Variants in HEMGN observed in about 807,000 individuals in gnomAD.
The protein encoded by HEMGN is hemogen, also known as erythroid differentiation-associated gene protein.
HEMGN carries 32 observed loss-of-function variants against 45.7 expected under a neutral mutation model. The ratio of observed to expected loss-of-function variants is 0.70; its 90% CI spans 0.53 to 0.94. HEMGN has a LOEUF of 0.94. HEMGN is among the 40% of genes least tolerant of loss of function. The probability of loss-of-function intolerance (pLI) is 0.00; values close to 1 mark genes in which losing one functional copy is unlikely to be tolerated. For synonymous variants in HEMGN, 183 were observed against 178.6 expected (o/e 1.02, Z -0.20); for missense variants, 530 against 564.2 (o/e 0.94, Z 0.61).
Position 97,930,409 on chromosome 9 carries a change from CAT to C in HEMGN, c.984_985del (p.Cys329Ter), listed in dbSNP as rs1826922913. ...GGCTTTAGGCACAATAATTTCGTTACATGTTTTATGAGGAAGGTATTTAGGTT... is the reference window on the plus strand; with the variant it reads ...GGCTTTAGGCACAATAATTTCGTTACGTTTTATGAGGAAGGTATTTAGGTT... On this transcript the variant is annotated frameshift_variant, in exon 3 of 4. Coordinates refer to ENST00000616898, the MANE Select transcript of HEMGN (RefSeq NM_197978.3). LOFTEE classifies it high-confidence loss of function. 3 of 1,613,862 alleles carry C rather than the reference CAT, an allele frequency of 1.9e-6. No homozygotes were observed. The highest frequency in any genetic ancestry group is 2.5e-6 in the Non-Finnish European group (3 of 1,179,990).
intron 2 of HEMGN, among the ~76,000 whole-genome samples, chr9:97,932,674 C>A (rs1048296191): frequency 6.6e-6 from 1 of 151,756 alleles, no homozygotes; most frequent in Non-Finnish European, 1.5e-5. Flanking sequence ...CATGGTGGTG[C>A]GCGTCTGTAA....
In HEMGN at chr9:97,930,019, T is replaced by C. The variant is rs1459111590; in HGVS notation, c.1360+16A>G. The C allele has an allele frequency of 1.9e-6, 3 of 1,593,998 alleles. No homozygotes were observed. In the African/African-American group the frequency reaches 4.0e-5, roughly 21 times the overall value. ...GGGGGAGATGTACCTACCTTGGTGC[T>C]ATAAACAGCCCTTACCTTGAGGAAA... is the stretch of plus-strand genomic sequence containing the variant. On this transcript the variant is annotated intron_variant, in intron 3 of 3. Transcript: ENST00000616898.
chr9:97,938,165 G>A lies in HEMGN; in HGVS notation c.-29C>T. ...GCTGCAATACCTTCCTGCTATTTTG[G>A]TCTGACTTCCACAAGCAGCCTAGAT... On this transcript the variant is annotated 5_prime_UTR_variant, in exon 1 of 4. Transcript: ENST00000616898. 1 of 1,506,786 alleles carries A rather than the reference G, an allele frequency of 6.6e-7. No homozygotes were observed. The highest frequency in any genetic ancestry group is 1.4e-5 in the African/African-American group (1 of 72,118). 93.3% of individuals were successfully genotyped at this position (1,506,786 alleles called of 1,614,324 possible).
chr9:97,929,154 G>A (rs1331485457), intron 3 of HEMGN, among the ~76,000 whole-genome samples: 2 of 152,204 alleles, frequency 1.3e-5, no homozygotes, highest in South Asian at 4.1e-4. Context: ...GAATCAGGAC[G>A]CTGTGTTGGT....
At chr9:97,939,451 G>A (rs1390331854), upstream of HEMGN, among the ~76,000 whole-genome samples, 1 of 152,188 alleles carries the variant, frequency 6.6e-6, no homozygotes, top group Non-Finnish European at 1.5e-5. Context: ...CCTTTGTAAT[G>A]TGAATAGATA....
upstream of HEMGN, among the ~76,000 whole-genome samples, chr9:97,939,740 C>T (rs1004981958): frequency 6.6e-6 from 1 of 152,150 alleles, no homozygotes. Flanking sequence ...AATGATATAA[C>T]AAACACCCAA....
At chr9:97,940,859 T>G (rs951867376), upstream of HEMGN, among the ~76,000 whole-genome samples, 1 of 152,172 alleles carries the variant, frequency 6.6e-6, no homozygotes, top group Non-Finnish European at 1.5e-5. Flanking sequence ...TTCATGAACA[T>G]GCAGCCTGGG....
chr9:97,927,524 G>T (rs754278930), intron 3 of HEMGN, 46 bp from the exon 4 acceptor site: 2 of 1,263,090 alleles, frequency 1.6e-6, no homozygotes, highest in South Asian at 1.2e-5. Context: ...AAATTGTATT[G>T]GGACAATTGA....
chr9:97,931,095 T>A lies in HEMGN; in HGVS notation c.300A>T (p.Ala100=). ...CAGTTTTTTTCTCTATAGGTGCCAGTGCTTTCTCCACTATTTCCTTTTCTA... is the reference window on the plus strand; with the variant it reads ...CAGTTTTTTTCTCTATAGGTGCCAGAGCTTTCTCCACTATTTCCTTTTCTA... ...PQIEKEIVEK[A]LAPIEKKTEP... is the part of the protein sequence containing the mutation. The change falls in exon 3 of 4, where the codon GCA becomes GCT. Residue 100 remains alanine, a synonymous_variant. Coordinates refer to ENST00000616898, the MANE Select transcript of HEMGN (RefSeq NM_197978.3). 6.2e-7 allele frequency: 1 copy of A among 1,614,132 alleles called. No individual in the cohort carries two copies. Among genetic ancestry groups the A allele is most frequent in the Non-Finnish European group, 8.5e-7 (1 of 1,180,022 alleles).
intron 1 of HEMGN, among the ~76,000 whole-genome samples, chr9:97,943,930 T>C (rs1228098540): frequency 6.6e-6 from 1 of 152,126 alleles, no homozygotes; most frequent in Admixed American, 6.6e-5. Context: ...TCCATGAAAT[T>C]TGCTCCACTT....
In HEMGN at chr9:97,930,935, C is replaced by G; in HGVS notation, c.460G>C (p.Ala154Pro). 6.2e-7 allele frequency: 1 copy of G among 1,614,140 alleles called. No homozygotes were observed. The highest frequency in any genetic ancestry group is 8.5e-7 in the Non-Finnish European group (1 of 1,180,008). ...GTTTCAGAAGAATGGTTTTGTACTGCTATTTCTTGGTACTCAGAAAAATTC... is the reference window on the plus strand; with the variant it reads ...GTTTCAGAAGAATGGTTTTGTACTGGTATTTCTTGGTACTCAGAAAAATTC... ...QENFSEYQEIAVQNHSSETCQ... is the reference protein window; with the variant it reads ...QENFSEYQEIPVQNHSSETCQ... The change falls in exon 3 of 4, where the codon GCA (alanine) becomes CCA (proline). Residue 154 changes from alanine to proline, a missense_variant. By Grantham distance (27) the Ala-to-Pro change is conservative (BLOSUM62 -1). Transcript: ENST00000616898.
intron 2 of HEMGN, 46 bp downstream of exon 2, chr9:97,936,125 C>T (rs1827053482): frequency 3.2e-6 from 4 of 1,234,182 alleles, no homozygotes; most frequent in Non-Finnish European, 4.8e-6. Flanking sequence ...TGCATAACAT[C>T]CTCAATAAAT....
chr9:97,931,049 T>G lies in HEMGN; in HGVS notation c.346A>C (p.Lys116Gln), dbSNP rs745597622. 1 of 1,614,162 alleles carries G rather than the reference T, an allele frequency of 6.2e-7. No individual in the cohort carries two copies. Among genetic ancestry groups the G allele is most frequent in the African/African-American group, 1.3e-5 (1 of 75,064 alleles). ...KKTEPPGSIT[K>Q]VFPSVASPQK... The stretch of plus-strand genomic sequence containing the variant: ...GGGGAGGCTACTGAAGGAAATACTT[T>G]GGTTATGCTCCCAGGTGGCTCAGTT... Residue 116 changes from lysine (K) to glutamine (Q), a missense_variant, in exon 3 of 4, where the codon AAA becomes CAA. Transcript: ENST00000616898.
upstream of HEMGN, among the ~76,000 whole-genome samples, chr9:97,939,225 A>G (rs1169790085): frequency 6.6e-6 from 1 of 152,230 alleles, no homozygotes; most frequent in Non-Finnish European, 1.5e-5. Flanking sequence ...TTACCTATCT[A>G]TAACATGGGG....
chr9:97,929,989 A>C, intron 3 of HEMGN, 46 bp downstream of exon 3: 1 of 1,373,292 alleles, frequency 7.3e-7, no homozygotes, highest in Non-Finnish European at 1.0e-6. Flanking sequence ...GTAAATCACT[A>C]CTCTGGGGGA....
At position 97,944,767 on chromosome 9, in the gene HEMGN, C is replaced by G. The variant is rs925362277; in HGVS notation, c.-56+1G>C. ...TGTTTCCATTAAATAGTACCACTTG[C>G]CTTCCCTGTTTTGCCGTGAATCTTT... On this transcript the variant is annotated splice_donor_variant, in intron 1 of 4. Coordinates refer to the HEMGN transcript ENST00000259456. LOFTEE classifies it low-confidence loss of function (5UTR_SPLICE). 2 of 152,172 alleles carry G rather than the reference C, an allele frequency of 1.3e-5. No homozygotes were observed. Among genetic ancestry groups the G allele is most frequent in the Admixed American group, 1.3e-4 (2 of 15,276 alleles). 9.4% of individuals were successfully genotyped at this position (152,172 alleles called of 1,614,324 possible).
chr9:97,930,883 T>G lies in HEMGN; in HGVS notation c.512A>C (p.Asp171Ala), dbSNP rs1357296667. The G allele has an allele frequency of 3.1e-6, 5 of 1,614,092 alleles. No homozygotes were observed. Among genetic ancestry groups the G allele is most frequent in the South Asian group, 1.1e-5 (1 of 91,074 alleles). The change falls in exon 3 of 4, where the codon GAC (aspartate) becomes GCC (alanine). Residue 171 changes from aspartate to alanine, a missense_variant. Physicochemically the swap from Asp to Ala is moderately radical, Grantham distance 126. Transcript: ENST00000616898. ...TTCTTGGTACATTTTAGGAGAGAGG[T>G]CTTCAGGTTCAGACACATGTTGGCA... is the stretch of plus-strand genomic sequence containing the variant. Reference protein sequence around the residue: ...ETCQHVSEPEDLSPKMYQEIS... With the variant: ...ETCQHVSEPEALSPKMYQEIS...
rs189744203 is a variant in HEMGN, at chr9:97,937,413, A to G, written c.79+645T>C. Among the ~76,000 whole-genome samples, 9 of 151,880 alleles carry G rather than the reference A, an allele frequency of 5.9e-5. No individual in the cohort carries two copies. The East Asian group carries it at 1.8e-3, about 30-fold the overall frequency. On this transcript the variant is annotated intron_variant, in intron 1 of 3. Transcript: ENST00000616898. The stretch of plus-strand genomic sequence containing the variant: ...CTTGGTCCCTATAAAGAAATCACAT[A>G]TTTTTTTATCACATTATAGTTGTTG...
In HEMGN at chr9:97,930,994, G is replaced by C; in HGVS notation, c.401C>G (p.Ser134Cys). Reference protein sequence around the residue: ...PQKVVPEEHFSEICQESNIYQ... With the variant: ...PQKVVPEEHFCEICQESNIYQ... ...TATGTTACTTTCTTGACATATTTCA[G>C]AAAAGTGTTCCTCAGGCACAACTTT... The change falls in exon 3 of 4, where the codon TCT becomes TGT. Residue 134 changes from serine (S) to cysteine (C), a missense_variant. Coordinates refer to ENST00000616898, the MANE Select transcript of HEMGN (RefSeq NM_197978.3). 6.2e-7 allele frequency: 1 copy of C among 1,614,166 alleles called. No homozygotes were observed. The highest frequency in any genetic ancestry group is 8.5e-7 in the Non-Finnish European group (1 of 1,180,012).
Sources: gnomAD v4.1 joint callset for allele counts (sites outside exome capture counted in the v4.1 genomes callset) on GRCh38, gnomAD v4.1.1 for gene constraint, MANE v1.5 for transcripts, NCBI Gene and HGNC (gene_info 2026-07-23, HGNC 2026-07-21) for gene names.